SH3KBP1: variants seen among roughly 807,000 people sequenced by gnomAD.
The protein encoded by SH3KBP1 is SH3 domain-containing kinase-binding protein 1.
SH3KBP1 carries 8 observed loss-of-function variants against 50.1 expected under a neutral mutation model. The observed-to-expected ratio is 0.16, with a 90% CI of 0.09 to 0.29. The LOEUF is 0.29. Ranked by LOEUF, SH3KBP1 falls within the 10% of genes least tolerant of loss-of-function variation. The pLI, the probability that SH3KBP1 is intolerant of heterozygous loss-of-function variation, is 1.00. For missense variants in SH3KBP1, 377 were observed against 535.2 expected, an observed-to-expected ratio of 0.70 and a Z score of 2.92; for synonymous variants, 227 against 218.6, an observed-to-expected ratio of 1.04 and a Z score of -0.34.
At chrX:19,538,344 A>G (rs1009360447) in intron 16 of SH3KBP1, among the ~76,000 whole-genome samples, 2 of 110,556 alleles carry the variant, frequency 1.8e-5, no homozygotes, top group African/African-American at 6.6e-5. Context: ...AGCTAGGACT[A>G]CAAGCGCACA....
chrX:19,823,704 A>G (rs1482032186), intron 2 of SH3KBP1, among the ~76,000 whole-genome samples: 4 of 112,735 alleles, frequency 3.5e-5, no homozygotes, highest in Non-Finnish European at 5.6e-5. Flanking sequence ...TGGGGACTTA[A>G]GAGTAGAATC....
At chrX:19,654,901 T>C (rs2062234546) in intron 6 of SH3KBP1, among the ~76,000 whole-genome samples, 1 of 112,140 alleles carries the variant, frequency 8.9e-6, no homozygotes, top group African/African-American at 3.2e-5. Context: ...TCCCATGAAG[T>C]AGCTGTATGA....
rs1053892779 is a variant in SH3KBP1 at position 19,581,886 on chromosome X, C to T, written c.1298+6757G>A. On this transcript the variant is annotated intron_variant, in intron 12 of 17. Transcript: ENST00000397821. Reference sequence around the variant, plus strand: ...AAAAAAAAAAAAAGCGATTCCACTGCGTGCTGCCCCTCCCCTTATCCTATG... The same window carrying T: ...AAAAAAAAAAAAAGCGATTCCACTGTGTGCTGCCCCTCCCCTTATCCTATG... 3.6e-4 allele frequency among the ~76,000 whole-genome samples: 39 copies of T among 107,426 alleles called. No homozygotes were observed. In the South Asian group the frequency reaches 0.01, roughly 28 times the overall value. 93.3% of individuals were successfully genotyped at this position (107,426 alleles called of 115,157 possible).
chrX:19,735,793 G>A (rs1352435096), intron 3 of SH3KBP1, among the ~76,000 whole-genome samples: 1 of 103,381 alleles, frequency 9.7e-6, no homozygotes, highest in Non-Finnish European at 2.0e-5. Context: ...GCGCGATCTC[G>A]GCTCACTGCA....
intron 12 of SH3KBP1, among the ~76,000 whole-genome samples, chrX:19,584,916 G>A (rs907404373): frequency 9.0e-5 from 10 of 111,244 alleles, no homozygotes; most frequent in African/African-American, 3.3e-4. Flanking sequence ...CCATTCACCT[G>A]GTCAGGTAAA....
At chrX:19,572,344 G>T (rs1390361797) in intron 12 of SH3KBP1, among the ~76,000 whole-genome samples, 3 of 100,980 alleles carry the variant, frequency 3.0e-5, no homozygotes, top group Non-Finnish European at 5.8e-5. Context: ...GTTATATATA[G>T]TACATATATA....
intron 5 of SH3KBP1, chrX:19,687,776 G>T: frequency 1.4e-6 from 1 of 711,177 alleles, no homozygotes; most frequent in Non-Finnish European, 2.2e-6. Flanking sequence ...GAAGGAAGAG[G>T]AAGAGTCTTT....
intron 12 of SH3KBP1, among the ~76,000 whole-genome samples, chrX:19,579,417 C>T (rs746204073): frequency 3.1e-4 from 35 of 112,132 alleles, no homozygotes; most frequent in African/African-American, 1.0e-3. Context: ...TCTGGAGGAA[C>T]GAGAATTCAT....
At chrX:19,856,661 T>C (rs1277948104) in intron 1 of SH3KBP1, among the ~76,000 whole-genome samples, 1 of 110,498 alleles carries the variant, frequency 9.0e-6, no homozygotes, top group Non-Finnish European at 1.9e-5. Flanking sequence ...CAACTTCCCC[T>C]CCCCAGAGGC....
At chrX:19,622,332 G>T (rs751713678) in intron 8 of SH3KBP1, among the ~76,000 whole-genome samples, 1 of 112,395 alleles carries the variant, frequency 8.9e-6, no homozygotes, top group Non-Finnish European at 1.9e-5. Flanking sequence ...ATCCAGGGAT[G>T]ACAAGAATAG....
At chrX:19,834,344 C>T (rs940891186) in intron 2 of SH3KBP1, among the ~76,000 whole-genome samples, 1 of 111,954 alleles carries the variant, frequency 8.9e-6, no homozygotes, top group African/African-American at 3.2e-5. Context: ...AAGGCACAGT[C>T]CTCTTAAGTA....
chrX:19,873,112 T>C (rs1304829100), intron 1 of SH3KBP1, among the ~76,000 whole-genome samples: 1 of 108,423 alleles, frequency 9.2e-6, no homozygotes, highest in African/African-American at 3.4e-5. Context: ...AGGGGACATA[T>C]GTCCATCACA....
At chrX:19,582,262 C>T (rs1453770724) in intron 12 of SH3KBP1, among the ~76,000 whole-genome samples, 1 of 111,984 alleles carries the variant, frequency 8.9e-6, no homozygotes, top group Non-Finnish European at 1.9e-5. Flanking sequence ...AGGATAGAGC[C>T]AGCAGGCTCA....
intron 9 of SH3KBP1, among the ~76,000 whole-genome samples, chrX:19,596,057 C>T (rs962251953): frequency 8.9e-6 from 1 of 111,854 alleles, no homozygotes; most frequent in Admixed American, 9.5e-5. Flanking sequence ...CCCCTTCTAG[C>T]TCTCTACTAA....
chrX:19,698,889 G>GAATT lies in SH3KBP1; in HGVS notation c.391-3149_391-3148insAATT, dbSNP rs1280394021. 4.8e-4 allele frequency among the ~76,000 whole-genome samples: 53 copies of GAATT among 111,113 alleles called. 1 individual carries two copies. The highest frequency in any genetic ancestry group is 4.4e-3 in the Admixed American group (46 of 10,548). On this transcript the variant is annotated intron_variant, in intron 4 of 17. Coordinates refer to ENST00000397821, the MANE Select transcript of SH3KBP1 (RefSeq NM_031892.3). ...AAGCACAGTGCCTCACACATTGAAT[G>GAATT]AATGAATGAATGAATGAATGAATGA...
rs187494789 is a variant in SH3KBP1 at position 19,613,213 on chromosome X, A to G, written c.898-5168T>C. Among the ~76,000 whole-genome samples the G allele has an allele frequency of 3.6e-5, 4 of 112,422 alleles. No homozygotes were observed. The East Asian group carries it at 1.1e-3, about 31-fold the overall frequency. ...ACTGAGGAGAGAGGTAACGTGGCCC[A>G]AGTACTACAATTTGTTTCCAAATCT... On this transcript the variant is annotated intron_variant, in intron 8 of 17. Coordinates refer to ENST00000397821, the MANE Select transcript of SH3KBP1 (RefSeq NM_031892.3).
intron 3 of SH3KBP1, among the ~76,000 whole-genome samples, chrX:19,722,924 C>T (rs768790459): frequency 9.1e-6 from 1 of 110,050 alleles, no homozygotes; most frequent in South Asian, 3.8e-4. Flanking sequence ...CTCTTGAGCT[C>T]AGGAGTTCGA....
intron 3 of SH3KBP1, among the ~76,000 whole-genome samples, chrX:19,721,466 T>C (rs1173061567): frequency 1.8e-5 from 2 of 112,299 alleles, no homozygotes; most frequent in Non-Finnish European, 3.8e-5. Context: ...TTCAAAATTA[T>C]GATCACCTCC....
At chrX:19,766,393 T>C (rs769886311) in intron 2 of SH3KBP1, among the ~76,000 whole-genome samples, 8 of 109,473 alleles carry the variant, frequency 7.3e-5, no homozygotes, top group African/African-American at 2.7e-4. Context: ...GAGTTCTTTA[T>C]AGATTCTGGA....
Sources: gnomAD v4.1 joint callset for allele counts (sites outside exome capture counted in the v4.1 genomes callset) on GRCh38, gnomAD v4.1.1 for gene constraint, MANE v1.5 for transcripts, NCBI Gene and HGNC (gene_info 2026-07-23, HGNC 2026-07-21) for gene names.